The following SBF2 variants were observed in gnomAD, a reference collection of about 807,000 sequenced individuals.
SBF2 encodes myotubularin-related protein 13.
In SBF2, 112 loss-of-function variants were observed where a neutral mutation model predicts 225.2. That is an observed-to-expected ratio of 0.50 (90% CI 0.43 to 0.58). The LOEUF is 0.58. Ranked by LOEUF, SBF2 falls within the 20% of genes least tolerant of loss-of-function variation. SBF2 has a pLI of 0.00. For synonymous variants in SBF2, 763 were observed against 773.3 expected, an observed-to-expected ratio of 0.99 and a Z score of 0.22; for missense variants, 1,996 against 2,206.2, an observed-to-expected ratio of 0.90 and a Z score of 1.91.
intron 2 of SBF2, among the ~76,000 whole-genome samples, chr11:10,188,424 C>T (rs959029298): frequency 3.9e-5 from 6 of 152,090 alleles, no homozygotes; most frequent in African/African-American, 1.4e-4. Flanking sequence ...CTACATCTTC[C>T]TCAGGAAGTT....
intron 2 of SBF2, among the ~76,000 whole-genome samples, chr11:10,112,922 C>A (rs572879728): frequency 5.0e-4 from 76 of 152,304 alleles, no homozygotes; most frequent in African/African-American, 1.7e-3. Context: ...CTTCTCCTCT[C>A]CTGAATTATT....
rs2134250231 is a variant in SBF2 at position 9,929,016 on chromosome 11, G to A, written c.1860+32941C>T. 8.3e-6 allele frequency: 4 copies of A among 483,974 alleles called. No homozygotes were observed. The Admixed American group carries it at 9.3e-5, about 11-fold the overall frequency. The allele number at this position is 483,974 out of a possible 1,614,324, so 30.0% of individuals were successfully genotyped here. A position where few individuals can be genotyped will look rare whatever the true frequency, so the allele number is the denominator to read the frequency against. On this transcript the variant is annotated intron_variant, in intron 16 of 39. Transcript: ENST00000256190. ...TGCATTTGGCCCAGGAACTGCTAAT[G>A]AACATACAGTGCAGTGCTTGTTCAA... is the stretch of plus-strand genomic sequence containing the variant.
At position 9,816,993 on chromosome 11, in the gene SBF2, G is replaced by A. The variant is rs373434070; in HGVS notation, c.3825C>T (p.Arg1275=). The A allele has an allele frequency of 1.2e-5, 19 of 1,614,050 alleles. No homozygotes were observed. Among genetic ancestry groups the A allele is most frequent in the African/African-American group, 4.0e-5 (3 of 74,914 alleles). Residue 1275 remains arginine, a synonymous_variant, in exon 29 of 40, where the codon CGC becomes CGT. Transcript: ENST00000256190. Reference sequence around the variant, plus strand: ...TGAAGGATGTTGGAGAGCTGATCAAGCGAGTGCTAGAGCGAAGACTTGCCC... The same window carrying A: ...TGAAGGATGTTGGAGAGCTGATCAAACGAGTGCTAGAGCGAAGACTTGCCC... ...GVWASLRSST[R]LISSPTSFID...
At chr11:9,833,774 C>CT (rs35133643) in intron 26 of SBF2, among the ~76,000 whole-genome samples, 55,440 of 127,598 alleles carry the variant, frequency 0.43, 13,804 homozygotes, top group Non-Finnish European at 0.57. Flanking sequence ...TCATGCTATC[C>CT]TTTTTTTTTT....
intron 2 of SBF2, among the ~76,000 whole-genome samples, chr11:10,058,583 C>T (rs748882369): frequency 2.6e-5 from 4 of 152,138 alleles, no homozygotes; most frequent in Non-Finnish European, 5.9e-5. Context: ...CAACGTGGAA[C>T]ATATATTTCA....
chr11:9,978,725 C>T (rs1196377257), intron 13 of SBF2, among the ~76,000 whole-genome samples: 1 of 152,166 alleles, frequency 6.6e-6, no homozygotes, highest in South Asian at 2.1e-4. Flanking sequence ...TCAATGTAGC[C>T]TCAACCTTCT....
At chr11:10,189,895 T>C (rs1957093592) in intron 2 of SBF2, among the ~76,000 whole-genome samples, 1 of 152,116 alleles carries the variant, frequency 6.6e-6, no homozygotes. Flanking sequence ...CTCACATCTG[T>C]AATCGCAGCA....
chr11:9,988,157 T>A (rs1947274938), intron 13 of SBF2, among the ~76,000 whole-genome samples: 1 of 151,992 alleles, frequency 6.6e-6, no homozygotes, highest in Admixed American at 6.6e-5. Context: ...AAACATAAAG[T>A]GGGGAAAGGA....
chr11:10,299,077 G>A (rs1401758446), upstream of SBF2, among the ~76,000 whole-genome samples: 2 of 152,118 alleles, frequency 1.3e-5, no homozygotes, highest in Non-Finnish European at 2.9e-5. Context: ...GGTGGCTCAC[G>A]CCTGTAATCG....
At chr11:10,278,788 TAAA>T (rs11370521) in intron 1 of SBF2, among the ~76,000 whole-genome samples, 9 of 124,976 alleles carry the variant, frequency 7.2e-5, no homozygotes, top group Non-Finnish European at 1.0e-4. Context: ...TCCATCTCAA[TAAA>T]AAAAAAAAAA....
intron 3 of SBF2, 33 bp from the exon 4 acceptor site, chr11:10,031,203 A>G: frequency 6.2e-7 from 1 of 1,609,872 alleles, no homozygotes; most frequent in Non-Finnish European, 8.5e-7. Flanking sequence ...CAACAAACAG[A>G]AGGGATTTCC....
intron 6 of SBF2, among the ~76,000 whole-genome samples, chr11:10,008,835 T>A (rs1251184759): frequency 1.3e-5 from 2 of 152,248 alleles, no homozygotes; most frequent in Non-Finnish European, 2.9e-5. Flanking sequence ...ATGCTTTGCA[T>A]GTGGCAGGTA....
intron 17 of SBF2, among the ~76,000 whole-genome samples, chr11:9,883,838 GA>G (rs940131097): frequency 1.3e-5 from 2 of 151,876 alleles, no homozygotes; most frequent in African/African-American, 4.8e-5. Context: ...TTACAGACCT[GA>G]AAAAAAGGGG....
At chr11:10,126,141 A>C (rs1953740483) in intron 2 of SBF2, among the ~76,000 whole-genome samples, 1 of 152,110 alleles carries the variant, frequency 6.6e-6, no homozygotes, top group African/African-American at 2.4e-5. Context: ...TTTATTTTAA[A>C]ATGTAATTGT....
intron 26 of SBF2, chr11:9,838,991 A>T (rs1855913398): frequency 5.7e-6 from 1 of 175,108 alleles, no homozygotes; most frequent in Non-Finnish European, 1.2e-5. Context: ...CACCTGGGTC[A>T]GCAAATTATA....
In SBF2 at chr11:9,828,413, T is replaced by C. The variant is rs1173615078; in HGVS notation, c.3793+943A>G. 4 of 985,324 alleles carry C rather than the reference T, an allele frequency of 4.1e-6. No individual in the cohort carries two copies. In the South Asian group the frequency reaches 1.4e-4, roughly 35 times the overall value. 61.0% of individuals were successfully genotyped at this position (985,324 alleles called of 1,614,324 possible). A position where few individuals can be genotyped will look rare whatever the true frequency, so the allele number is the denominator to read the frequency against. On this transcript the variant is annotated intron_variant, in intron 28 of 39. Transcript: ENST00000256190. Reference sequence around the variant, plus strand: ...GAGATAACACACATTTGCAAGATTATAGAGAGTTAGGTTTGGCAAGTGCAA... The same window carrying C: ...GAGATAACACACATTTGCAAGATTACAGAGAGTTAGGTTTGGCAAGTGCAA...
At chr11:10,033,040 G>A (rs546704358) in intron 3 of SBF2, among the ~76,000 whole-genome samples, 1 of 152,290 alleles carries the variant, frequency 6.6e-6, no homozygotes, top group African/African-American at 2.4e-5. Flanking sequence ...ATGTATGATA[G>A]AGTCCATATG....
At chr11:9,895,462 T>TA (rs76549539) in intron 17 of SBF2, among the ~76,000 whole-genome samples, 11,583 of 152,246 alleles carry the variant, frequency 0.076, 511 homozygotes, top group East Asian at 0.1. Context: ...GACAGAATTT[T>TA]AAAAAATCAC....
intron 13 of SBF2, 31 bp downstream of exon 13, chr11:9,989,466 A>T (rs1325941025): frequency 7.6e-7 from 1 of 1,313,012 alleles, no homozygotes; most frequent in Admixed American, 1.7e-5. Context: ...AAATAAAATT[A>T]ATGACTGTCT....
Sources: allele counts gnomAD v4.1 joint callset (sites outside exome capture counted in the v4.1 genomes callset), GRCh38; gene constraint gnomAD v4.1.1; transcripts MANE v1.5; gene names NCBI Gene and HGNC (gene_info 2026-07-23, HGNC 2026-07-21).